C1QTNF9: variants seen among roughly 807,000 people sequenced by gnomAD.
C1QTNF9 encodes the protein C1q and TNF related 9.
C1QTNF9 carries 6 observed loss-of-function variants against 10.1 expected under a neutral mutation model. The observed-to-expected ratio is 0.59, with a 90% CI of 0.32 to 1.17. C1QTNF9 has a LOEUF of 1.17. C1QTNF9 is among the 50% of genes most tolerant of loss of function. C1QTNF9 has a pLI of 0.04. For missense variants in C1QTNF9, 201 were observed against 418.8 expected (o/e 0.48, Z 4.54); for synonymous variants, 98 against 163.5 (o/e 0.60, Z 3.06).
At chr13:24,317,228 T>A (rs549955972) in intron 2 of C1QTNF9, among the ~76,000 whole-genome samples, 74 of 152,020 alleles carry the variant, frequency 4.9e-4, no homozygotes, top group African/African-American at 1.8e-3. Context: ...AAATCAGGTC[T>A]TCTGCCCTCA....
At chr13:24,319,878 T>G (rs1878182232) in intron 3 of C1QTNF9, among the ~76,000 whole-genome samples, 2 of 152,188 alleles carry the variant, frequency 1.3e-5, no homozygotes, top group Admixed American at 6.5e-5. Context: ...ATTACCCTAG[T>G]TCCATATGTG....
At chr13:24,320,199 C>T (rs1244076797) in intron 3 of C1QTNF9, among the ~76,000 whole-genome samples, 1 of 151,836 alleles carries the variant, frequency 6.6e-6, no homozygotes, top group Non-Finnish European at 1.5e-5. Context: ...CCTGTCTCTG[C>T]TCTGAAGAGT....
chr13:24,311,426 C>T (rs1255330888), intron 1 of C1QTNF9, among the ~76,000 whole-genome samples: 3 of 152,252 alleles, frequency 2.0e-5, no homozygotes, highest in Non-Finnish European at 4.4e-5. Flanking sequence ...ATGTCTGGCT[C>T]ATGCGGTCAC....
rs752871714 is a variant in C1QTNF9 at position 24,315,992 on chromosome 13, G to A, written c.-12G>A. The A allele has an allele frequency of 4.3e-6, 7 of 1,613,752 alleles. No individual in the cohort carries two copies. In the South Asian group the frequency reaches 6.6e-5, roughly 15 times the overall value. Reference sequence around the variant, plus strand: ...GTTTCCCTCTTTCAGTTCAGAGTCTGTCATCTGAACCATGAGGATCTGGTG... The same window carrying A: ...GTTTCCCTCTTTCAGTTCAGAGTCTATCATCTGAACCATGAGGATCTGGTG... On this transcript the variant is annotated 5_prime_UTR_variant, in exon 2 of 4. Transcript: ENST00000332018.
exon 4 of C1QTNF9, chr13:24,321,881 G>A: frequency 7.3e-7 from 1 of 1,379,140 alleles, no homozygotes; most frequent in Non-Finnish European, 9.6e-7. Context: ...ATCATAAAAA[G>A]GTGAAAATGG....
At chr13:24,320,044 T>C (rs1878189362) in intron 3 of C1QTNF9, among the ~76,000 whole-genome samples, 1 of 152,156 alleles carries the variant, frequency 6.6e-6, no homozygotes, top group East Asian at 1.9e-4. Context: ...TTTCTGTAGA[T>C]GATGAATTGC....
chr13:24,310,899 G>A (rs1364081930), intron 1 of C1QTNF9, among the ~76,000 whole-genome samples: 21 of 138,322 alleles, frequency 1.5e-4, no homozygotes, highest in South Asian at 9.5e-4. Context: ...GCAACAGAGC[G>A]AGGCTCTGTC....
intron 1 of C1QTNF9, among the ~76,000 whole-genome samples, chr13:24,311,355 T>C (rs1328555437): frequency 6.6e-6 from 1 of 152,228 alleles, no homozygotes; most frequent in Non-Finnish European, 1.5e-5. Context: ...TTGGGGGGAC[T>C]AAAAAACATT....
exon 4 of C1QTNF9, chr13:24,322,173 G>A (rs1292319886): frequency 6.0e-6 from 1 of 167,064 alleles, no homozygotes; most frequent in South Asian, 2.0e-4. Context: ...GCTTTAAGCT[G>A]GTGATGCTGT....
intron 1 of C1QTNF9, among the ~76,000 whole-genome samples, chr13:24,314,702 G>C (rs1404505994): frequency 6.6e-6 from 1 of 151,826 alleles, no homozygotes; most frequent in Non-Finnish European, 1.5e-5. Context: ...ACCAAACCCA[G>C]GTGTGGTGGT....
intron 2 of C1QTNF9, among the ~76,000 whole-genome samples, chr13:24,316,866 T>C (rs1246589842): frequency 6.6e-6 from 1 of 152,222 alleles, no homozygotes; most frequent in Admixed American, 6.5e-5. Context: ...AGGCCTGGTC[T>C]TGACCATAGG....
At chr13:24,307,910 G>C (rs1270624635), upstream of C1QTNF9, among the ~76,000 whole-genome samples, 2 of 152,250 alleles carry the variant, frequency 1.3e-5, no homozygotes, top group East Asian at 3.9e-4. Context: ...ACACCAGGAG[G>C]ATGGAGCCCT....
intron 2 of C1QTNF9, among the ~76,000 whole-genome samples, chr13:24,316,842 G>A (rs1218731388): frequency 6.6e-6 from 1 of 152,172 alleles, no homozygotes; most frequent in Non-Finnish European, 1.5e-5. Flanking sequence ...TTTCCGAATG[G>A]GGTACCATTC....
At chr13:24,319,024 G>A (rs2138810372) in intron 3 of C1QTNF9, 144 bp downstream of exon 3, 9 of 1,184,274 alleles carry the variant, frequency 7.6e-6, no homozygotes, top group Non-Finnish European at 1.1e-5. Context: ...ATTCTGCAGG[G>A]ATTGGCAGGC....
chr13:24,313,317 C>A (rs1269700458), intron 1 of C1QTNF9, among the ~76,000 whole-genome samples: 7 of 152,186 alleles, frequency 4.6e-5, no homozygotes, highest in African/African-American at 1.7e-4. Flanking sequence ...AGGCTGGCTT[C>A]TTCTTCCCTG....
At chr13:24,310,050 C>A (rs1877751271) in intron 1 of C1QTNF9, among the ~76,000 whole-genome samples, 3 of 151,962 alleles carry the variant, frequency 2.0e-5, no homozygotes, top group South Asian at 4.2e-4. Flanking sequence ...TGGGCCACCA[C>A]ACCCTGCTAA....
exon 4 of C1QTNF9, chr13:24,321,528 C>T: frequency 1.2e-6 from 2 of 1,612,730 alleles, no homozygotes; most frequent in South Asian, 1.1e-5. Context: ...TCACCTACCA[C>T]ATCACTGTTT....
At chr13:24,307,888 T>A (rs966183751), upstream of C1QTNF9, among the ~76,000 whole-genome samples, 4 of 152,206 alleles carry the variant, frequency 2.6e-5, no homozygotes, top group Non-Finnish European at 4.4e-5. Flanking sequence ...CTGGAGGCGC[T>A]GCAGTCGGGA....
chr13:24,311,535 G>C (rs1301703447), intron 1 of C1QTNF9, among the ~76,000 whole-genome samples: 3 of 152,096 alleles, frequency 2.0e-5, no homozygotes, highest in African/African-American at 7.2e-5. Flanking sequence ...GACTGTTGTC[G>C]CTTTTTACAT....
Sources: gnomAD v4.1 joint callset for allele counts (sites outside exome capture counted in the v4.1 genomes callset) on GRCh38, gnomAD v4.1.1 for gene constraint, MANE v1.5 for transcripts, NCBI Gene and HGNC (gene_info 2026-07-23, HGNC 2026-07-21) for gene names.